Variants in IQCM observed in about 807,000 individuals in gnomAD.
IQCM encodes the protein IQ domain-containing protein M.
IQCM carries 45 observed loss-of-function variants against 57.6 expected under a neutral mutation model. That is an observed-to-expected ratio of 0.78 (90% confidence interval 0.62 to 1.00). IQCM has a LOEUF of 1.00. Ranked by LOEUF, IQCM falls within the 50% of genes least tolerant of loss-of-function variation. The pLI, the probability that IQCM is intolerant of heterozygous loss-of-function variation, is 0.00. For synonymous variants in IQCM, 148 were observed against 158.9 expected, an observed-to-expected ratio of 0.93 and a Z score of 0.51; for missense variants, 468 against 511.6, an observed-to-expected ratio of 0.91 and a Z score of 0.82.
At chr4:149,400,647 T>A (rs1732553840) in intron 13 of IQCM, among the ~76,000 whole-genome samples, 1 of 152,054 alleles carries the variant, frequency 6.6e-6, no homozygotes, top group Non-Finnish European at 1.5e-5. Flanking sequence ...CCAGCCCTTC[T>A]GTATATTAAA....
At chr4:149,399,521 A>G (rs370802357) in intron 13 of IQCM, among the ~76,000 whole-genome samples, 15 of 152,188 alleles carry the variant, frequency 9.9e-5, no homozygotes, top group African/African-American at 3.6e-4. Flanking sequence ...TGCCTCAAAT[A>G]GCAACAAAAA....
Position 149,715,589 on chromosome 4 carries a change from G to A in IQCM, c.385+17655C>T, listed in dbSNP as rs377109946. The stretch of plus-strand genomic sequence containing the variant: ...GCCTGCAACACGGTGAGCAAGGGGC[G>A]TGTTTCAGCCCTGTTTGTGTTACAG... On this transcript the variant is annotated intron_variant, in intron 5 of 13. Coordinates refer to ENST00000636793, the MANE Select transcript of IQCM (RefSeq NM_001363507.2). Among the ~76,000 whole-genome samples, 51 of 152,248 alleles carry A rather than the reference G, an allele frequency of 3.3e-4. No individual in the cohort carries two copies. In the South Asian group the frequency reaches 7.9e-3, roughly 24 times the overall value.
At chr4:149,615,638 C>A (rs1480871463) in intron 8 of IQCM, among the ~76,000 whole-genome samples, 1 of 152,132 alleles carries the variant, frequency 6.6e-6, no homozygotes, top group Non-Finnish European at 1.5e-5. Flanking sequence ...TTAAAAAGCA[C>A]TTCAGGCTTA....
intron 5 of IQCM, among the ~76,000 whole-genome samples, chr4:149,711,549 CA>C (rs1415599383): frequency 6.6e-6 from 1 of 152,082 alleles, no homozygotes; most frequent in East Asian, 1.9e-4. Context: ...CAATACAGGC[CA>C]ACTTTTTTTA....
Position 149,621,251 on chromosome 4 carries a change from G to A in IQCM, c.566-7C>T. On this transcript the variant is annotated splice_region_variant and splice_polypyrimidine_tract_variant and intron_variant, in intron 7 of 13. Coordinates refer to ENST00000636793, the MANE Select transcript of IQCM (RefSeq NM_001363507.2). ...CAGTCATAGAATGCTTTGTCTGTTA[G>A]AAATATCAATGCAGGTTAAAACAAT... 8.4e-7 allele frequency: 1 copy of A among 1,194,338 alleles called. No homozygotes were observed. The highest frequency in any genetic ancestry group is 1.0e-6 in the Non-Finnish European group (1 of 953,470). The allele number at this position is 1,194,338 out of a possible 1,614,324, so 74.0% of individuals were successfully genotyped here.
chr4:149,541,021 TA>T, intron 12 of IQCM, among the ~76,000 whole-genome samples: 1 of 152,332 alleles, frequency 6.6e-6, no homozygotes, highest in African/African-American at 2.4e-5. Context: ...CCTCTATTTT[TA>T]AAATGTCCTT....
At chr4:149,633,616 T>C (rs1757480141) in intron 7 of IQCM, among the ~76,000 whole-genome samples, 1 of 152,242 alleles carries the variant, frequency 6.6e-6, no homozygotes, top group Non-Finnish European at 1.5e-5. Context: ...ATGTATTACT[T>C]GCATAGAAAT....
rs142228337 is a variant in IQCM, at chr4:149,463,780, A to T, written c.1229-30223T>A. Among the ~76,000 whole-genome samples, 190 of 152,330 alleles carry T rather than the reference A, an allele frequency of 1.2e-3. 2 individuals carry two copies. In the East Asian group the frequency reaches 0.031, roughly 24 times the overall value. ...ACTTAAAGCAAATATGGTATTTCAA[A>T]ATATGATAGCTGAGAATCAAAATTA... On this transcript the variant is annotated intron_variant, in intron 12 of 13. Transcript: ENST00000636793.
intron 9 of IQCM, among the ~76,000 whole-genome samples, chr4:149,584,389 T>C (rs1047428417): frequency 6.6e-6 from 1 of 151,646 alleles, no homozygotes; most frequent in African/African-American, 2.4e-5. Flanking sequence ...TTTTCATCTA[T>C]GAAAATAATT....
rs999682173 is a variant in IQCM, at chr4:149,448,792, G to A, written c.1229-15235C>T. Among the ~76,000 whole-genome samples the A allele has an allele frequency of 3.3e-5, 5 of 151,798 alleles. No individual in the cohort carries two copies. The South Asian group carries it at 1.0e-3, about 32-fold the overall frequency. Reference sequence around the variant, plus strand: ...AACAAAGTTCACTCTAGGAGAAATGGGAAAGCTGTACATATGAAAGAAATT... The same window carrying A: ...AACAAAGTTCACTCTAGGAGAAATGAGAAAGCTGTACATATGAAAGAAATT... On this transcript the variant is annotated intron_variant, in intron 12 of 13. Transcript: ENST00000636793.
chr4:149,799,867 A>G (rs1046128108), intron 2 of IQCM, among the ~76,000 whole-genome samples: 3 of 151,446 alleles, frequency 2.0e-5, no homozygotes, highest in African/African-American at 7.3e-5. Context: ...AAAAAAACAA[A>G]AAAACAAAAA....
chr4:149,523,385 T>A (rs528507807), intron 12 of IQCM, among the ~76,000 whole-genome samples: 3 of 151,922 alleles, frequency 2.0e-5, no homozygotes, highest in Non-Finnish European at 4.4e-5. Flanking sequence ...TAAAAGACAG[T>A]TGAAAAAAAT....
chr4:149,380,290 C>A (rs560602305), intron 13 of IQCM, among the ~76,000 whole-genome samples: 1 of 151,924 alleles, frequency 6.6e-6, no homozygotes, highest in Admixed American at 6.6e-5. Flanking sequence ...TTCCTTAAAT[C>A]CATTCCTTCA....
intron 13 of IQCM, among the ~76,000 whole-genome samples, chr4:149,361,318 G>A (rs578052888): frequency 1.3e-5 from 2 of 152,180 alleles, no homozygotes; most frequent in African/African-American, 2.4e-5. Flanking sequence ...CCCATTTTCT[G>A]GGGAGAAATT....
At chr4:149,637,550 G>C (rs1464256630) in intron 7 of IQCM, among the ~76,000 whole-genome samples, 1 of 151,992 alleles carries the variant, frequency 6.6e-6, no homozygotes, top group Non-Finnish European at 1.5e-5. Flanking sequence ...TACCTGGACA[G>C]GCAAAAGAAA....
chr4:149,729,068 T>C (rs145816274), intron 5 of IQCM, among the ~76,000 whole-genome samples: 3 of 152,158 alleles, frequency 2.0e-5, no homozygotes, highest in Non-Finnish European at 4.4e-5. Context: ...GTAAACATAA[T>C]AGTCACCAGT....
At chr4:149,792,149 T>C (rs1465429492) in intron 2 of IQCM, among the ~76,000 whole-genome samples, 2 of 152,188 alleles carry the variant, frequency 1.3e-5, no homozygotes, top group South Asian at 2.1e-4. Context: ...ATGTATGATT[T>C]AACATTTCTG....
At chr4:149,699,770 C>T (rs1428843515) in intron 5 of IQCM, among the ~76,000 whole-genome samples, 3 of 151,120 alleles carry the variant, frequency 2.0e-5, no homozygotes, top group Non-Finnish European at 4.4e-5. Context: ...AGAGGCACCT[C>T]CCCTTGTGCC....
intron 13 of IQCM, among the ~76,000 whole-genome samples, chr4:149,413,225 G>T (rs965905471): frequency 6.6e-6 from 1 of 152,132 alleles, no homozygotes; most frequent in African/African-American, 2.4e-5. Context: ...ACTCATTTGG[G>T]CAATGACAAT....
Sources: allele counts gnomAD v4.1 joint callset (sites outside exome capture counted in the v4.1 genomes callset), GRCh38; gene constraint gnomAD v4.1.1; transcripts MANE v1.5; gene names NCBI Gene and HGNC (gene_info 2026-07-23, HGNC 2026-07-21).